The following SLC15A5 variants were observed in gnomAD, a reference collection of about 807,000 sequenced individuals.
The protein encoded by SLC15A5 is Peptide/histidine transporter ENSP00000340402.
A neutral mutation model predicts 56.1 loss-of-function variants in SLC15A5; 58 were observed. That is an observed-to-expected ratio of 1.03 (90% CI 0.84 to 1.29). The LOEUF (loss-of-function observed/expected upper bound fraction) is 1.29. Among genes scored for constraint, SLC15A5 ranks in the 50% most tolerant of loss-of-function variants. The probability of loss-of-function intolerance (pLI) is 0.00; values close to 1 mark genes in which losing one functional copy is unlikely to be tolerated. For synonymous variants in SLC15A5, 264 were observed against 250.5 expected, an observed-to-expected ratio of 1.05 and a Z score of -0.51; for missense variants, 681 against 672.1, an observed-to-expected ratio of 1.01 and a Z score of -0.15.
chr12:16,204,179 G>A (rs1310396739), intron 7 of SLC15A5, among the ~76,000 whole-genome samples: 2 of 152,050 alleles, frequency 1.3e-5, no homozygotes, highest in Admixed American at 6.6e-5. Context: ...TTGGGGTCTG[G>A]GTGCAGTAGC....
intron 7 of SLC15A5, among the ~76,000 whole-genome samples, chr12:16,200,329 TA>T (rs1394562237): frequency 6.6e-6 from 1 of 151,778 alleles, no homozygotes; most frequent in African/African-American, 2.4e-5. Flanking sequence ...TTTATATTGA[TA>T]AAAAACACAA....
At chr12:16,246,486 T>C (rs1457899954) in intron 3 of SLC15A5, among the ~76,000 whole-genome samples, 1 of 152,164 alleles carries the variant, frequency 6.6e-6, no homozygotes, top group Non-Finnish European at 1.5e-5. Context: ...TCCTGACATT[T>C]CCTTACAATC....
chr12:16,261,367 T>G (rs982081294), intron 2 of SLC15A5, among the ~76,000 whole-genome samples: 1 of 152,232 alleles, frequency 6.6e-6, no homozygotes, highest in Non-Finnish European at 1.5e-5. Context: ...CTTCTTTCAC[T>G]TAGCATAATT....
At chr12:16,215,613 G>A (rs1234002955) in intron 7 of SLC15A5, among the ~76,000 whole-genome samples, 1 of 152,150 alleles carries the variant, frequency 6.6e-6, no homozygotes, top group Non-Finnish European at 1.5e-5. Flanking sequence ...CACACAGTTA[G>A]CTAACACAGT....
chr12:16,261,953 A>G (rs1227445080), intron 2 of SLC15A5, among the ~76,000 whole-genome samples: 1 of 152,188 alleles, frequency 6.6e-6, no homozygotes, highest in Non-Finnish European at 1.5e-5. Flanking sequence ...CATTCTATTA[A>G]AAGTGTCTTT....
At chr12:16,246,700 A>C (rs994370093) in intron 3 of SLC15A5, among the ~76,000 whole-genome samples, 1 of 152,178 alleles carries the variant, frequency 6.6e-6, no homozygotes, top group Admixed American at 6.5e-5. Context: ...AAAATTCAGG[A>C]ATTTGTATTA....
chr12:16,244,839 T>C (rs1231559696), intron 3 of SLC15A5, 39 bp from the exon 4 acceptor site: 1 of 1,507,220 alleles, frequency 6.6e-7, no homozygotes, highest in Non-Finnish European at 8.9e-7. Flanking sequence ...AGTATAGGAA[T>C]TGTTCTCCAG....
intron 7 of SLC15A5, among the ~76,000 whole-genome samples, chr12:16,195,008 T>A (rs1212098846): frequency 6.6e-6 from 1 of 152,088 alleles, no homozygotes; most frequent in East Asian, 1.9e-4. Flanking sequence ...TTACTTGCAA[T>A]CTCTGGCTAA....
intron 3 of SLC15A5, among the ~76,000 whole-genome samples, chr12:16,251,311 CAG>C (rs1412895370): frequency 6.6e-6 from 1 of 151,326 alleles, no homozygotes; most frequent in Non-Finnish European, 1.5e-5. Context: ...AACACAAAGT[CAG>C]AAGAAAGAAG....
chr12:16,226,082 A>C (rs1443649731), intron 5 of SLC15A5, among the ~76,000 whole-genome samples: 1 of 152,194 alleles, frequency 6.6e-6, no homozygotes, highest in African/African-American at 2.4e-5. Context: ...ATTGGTTCCA[A>C]GACCCCAAAG....
At chr12:16,219,839 C>T (rs2136247606) in intron 6 of SLC15A5, among the ~76,000 whole-genome samples, 1 of 152,064 alleles carries the variant, frequency 6.6e-6, no homozygotes, top group African/African-American at 2.4e-5. Context: ...GTAAAGTTCC[C>T]GTTTTTCTAT....
intron 7 of SLC15A5, among the ~76,000 whole-genome samples, chr12:16,215,500 A>C (rs1036698856): frequency 5.3e-5 from 8 of 152,208 alleles, no homozygotes. Context: ...AATATAGGTA[A>C]GACTTCTCAA....
intron 7 of SLC15A5, among the ~76,000 whole-genome samples, chr12:16,213,745 G>A (rs577816242): frequency 1.3e-5 from 2 of 152,236 alleles, no homozygotes; most frequent in African/African-American, 2.4e-5. Flanking sequence ...AATTTAAATG[G>A]TGTTCTCTTG....
At chr12:16,220,245 A>G (rs1864172656) in intron 6 of SLC15A5, among the ~76,000 whole-genome samples, 1 of 152,126 alleles carries the variant, frequency 6.6e-6, no homozygotes, top group Admixed American at 6.6e-5. Context: ...TATATCATCT[A>G]CTTCCCTTTC....
intron 3 of SLC15A5, among the ~76,000 whole-genome samples, chr12:16,250,543 T>C (rs544370743): frequency 4.6e-5 from 7 of 152,024 alleles, no homozygotes; most frequent in African/African-American, 1.7e-4. Flanking sequence ...ACAAGATGAA[T>C]AGAGAGACTT....
In SLC15A5 at chr12:16,272,590, T is replaced by G; in HGVS notation, c.555A>C (p.Gly185=). 6.5e-7 allele frequency: 1 copy of G among 1,536,898 alleles called. No homozygotes were observed. Among genetic ancestry groups the G allele is most frequent in the Non-Finnish European group, 8.7e-7 (1 of 1,146,636 alleles). Reference sequence around the variant, plus strand: ...TAAAAAAAGACATCGTTTTTTGTGATCCATACTCCTGAAGGCCAAAAGCAC... The same window carrying G: ...TAAAAAAAGACATCGTTTTTTGTGAGCCATACTCCTGAAGGCCAAAAGCAC... ...PLGAFGLQEY[G]SQKTMSFFNW... is the part of the protein sequence containing the mutation. Residue 185 remains glycine, a synonymous_variant, in exon 2 of 9, where the codon GGA becomes GGC. Coordinates refer to ENST00000344941, the MANE Select transcript of SLC15A5 (RefSeq NM_001170798.1).
In SLC15A5 at chr12:16,257,754, G is replaced by A. The variant is rs1358400487; in HGVS notation, c.701C>T (p.Ala234Val). Residue 234 changes from alanine (A) to valine (V), a missense_variant, in exon 3 of 9, where the codon GCT (alanine) becomes GTT (valine). Ala to Val is a moderately conservative substitution (Grantham distance 64, BLOSUM62 0). Transcript: ENST00000344941. The part of the protein sequence containing the change: ...LLIPFMSMLM[A>V]VITLHMIYYN... The stretch of plus-strand genomic sequence containing the variant: ...GTATATCATATGAAGAGTTATCACA[G>A]CCATAAGCATAGACATAAAAGGAAT... 1 of 1,528,970 alleles carries A rather than the reference G, an allele frequency of 6.5e-7. No homozygotes were observed. Among genetic ancestry groups the A allele is most frequent in the Non-Finnish European group, 8.7e-7 (1 of 1,144,182 alleles). The allele number at this position is 1,528,970 out of a possible 1,614,324, so 94.7% of individuals were successfully genotyped here. A position where few individuals can be genotyped will look rare whatever the true frequency, so the allele number is the denominator to read the frequency against.
intron 7 of SLC15A5, among the ~76,000 whole-genome samples, chr12:16,201,861 G>A (rs1863960393): frequency 6.6e-6 from 1 of 152,120 alleles, no homozygotes; most frequent in African/African-American, 2.4e-5. Context: ...CAACAAAGGA[G>A]AAAGTACAGT....
rs1565657565 is a variant in SLC15A5 at position 16,205,565 on chromosome 12, A to ATAT, written c.1484-11113_1484-11112insATA. On this transcript the variant is annotated intron_variant, in intron 7 of 8. Transcript: ENST00000344941. ...ATATATGTATATATATATATTCCAT[A>ATAT]AGAAGGGAAAGGTGCATATATATAT... is the stretch of plus-strand genomic sequence containing the variant. Among the ~76,000 whole-genome samples the ATAT allele has an allele frequency of 3.0e-3, 20 of 6,772 alleles. 2 individuals are homozygous for ATAT. Among genetic ancestry groups the ATAT allele is most frequent in the Non-Finnish European group, 4.5e-3 (13 of 2,918 alleles). 4.4% of individuals were successfully genotyped at this position (6,772 alleles called of 152,430 possible). A position where few individuals can be genotyped will look rare whatever the true frequency, so the allele number is the denominator to read the frequency against.
Sources: gnomAD v4.1 joint callset for allele counts (sites outside exome capture counted in the v4.1 genomes callset) on GRCh38, gnomAD v4.1.1 for gene constraint, MANE v1.5 for transcripts, NCBI Gene and HGNC (gene_info 2026-07-23, HGNC 2026-07-21) for gene names.